The following HELLS variants were observed in gnomAD, a reference collection of about 807,000 sequenced individuals.
HELLS encodes the protein helicase, lymphoid specific.
HELLS carries 32 observed loss-of-function variants against 120.0 expected under a neutral mutation model. The observed-to-expected ratio is 0.27, with a 90% CI of 0.20 to 0.36. HELLS has a LOEUF of 0.36. Among genes scored for constraint, HELLS ranks in the 10% least tolerant of loss-of-function variants. The pLI is 1.00. For missense variants in HELLS, 650 were observed against 993.4 expected, an observed-to-expected ratio of 0.65 and a Z score of 4.65; for synonymous variants, 341 against 323.4, an observed-to-expected ratio of 1.05 and a Z score of -0.58.
intron 6 of HELLS, 73 bp downstream of exon 6, chr10:94,562,949 T>A: frequency 1.2e-6 from 1 of 841,940 alleles, no homozygotes; most frequent in Non-Finnish European, 1.9e-6. Flanking sequence ...ACCTTAAATC[T>A]GTAAAGATTG....
At chr10:94,577,048 C>A in intron 10 of HELLS, 3 of 586,636 alleles carry the variant, frequency 5.1e-6, no homozygotes, top group Non-Finnish European at 6.2e-6. Flanking sequence ...TTAGAATCAT[C>A]CAGAAATAGA....
Position 94,601,588 on chromosome 10 carries a change from A to G in HELLS, c.2483A>G (p.Asn828Ser). 1.9e-6 allele frequency: 3 copies of G among 1,584,998 alleles called. No individual in the cohort carries two copies. The South Asian group carries it at 3.4e-5, about 18-fold the overall frequency. ...EKMGIFKILE[N>S]SEDSSPECLF ...ATGGGGATATTCAAGATATTAGAAA[A>G]TTCTGAAGATTCCAGTCCTGAATGT... The change falls in exon 22 of 22, where the codon AAT becomes AGT. Residue 828 changes from asparagine to serine, a missense_variant. Transcript: ENST00000348459.
At chr10:94,596,603 T>A (rs1354982337) in intron 19 of HELLS, among the ~76,000 whole-genome samples, 3 of 152,230 alleles carry the variant, frequency 2.0e-5, no homozygotes, top group Admixed American at 6.5e-5. Flanking sequence ...CAAGTCTTTG[T>A]GGACATAATG....
intron 7 of HELLS, among the ~76,000 whole-genome samples, chr10:94,573,453 A>ATATTTTATTTTATTT (rs72368124): frequency 2.7e-5 from 4 of 149,778 alleles, no homozygotes; most frequent in African/African-American, 7.3e-5. Context: ...TCAGATTTTT[A>ATATTTTATTTTATTT]TATTTTATTT....
At chr10:94,586,331 C>A (rs928287665) in intron 12 of HELLS, among the ~76,000 whole-genome samples, 2 of 152,080 alleles carry the variant, frequency 1.3e-5, no homozygotes, top group East Asian at 3.9e-4. Context: ...CTGTGTTAGC[C>A]GGGATGGTCT....
Position 94,593,551 on chromosome 10 carries a change from G to A in HELLS, c.2024G>A (p.Arg675Gln). The change falls in exon 18 of 22, where the codon CGA becomes CAA. Residue 675 changes from arginine (R) to glutamine (Q), a missense_variant. Coordinates refer to ENST00000348459, the MANE Select transcript of HELLS (RefSeq NM_018063.5). ...PEVFIFLVST[R>Q]AGGLGINLTA... is the part of the protein sequence containing the mutation. ...GTGTTTATCTTCTTAGTGAGTACACGAGCTGGTGGCCTGGGCATTAATCTG... is the reference window on the plus strand; with the variant it reads ...GTGTTTATCTTCTTAGTGAGTACACAAGCTGGTGGCCTGGGCATTAATCTG... 6.2e-7 allele frequency: 1 copy of A among 1,613,874 alleles called. No homozygotes were observed. The highest frequency in any genetic ancestry group is 8.5e-7 in the Non-Finnish European group (1 of 1,179,806).
chr10:94,567,941 C>T (rs1363833036), intron 6 of HELLS, among the ~76,000 whole-genome samples: 4 of 141,688 alleles, frequency 2.8e-5, no homozygotes, highest in East Asian at 2.0e-4. Flanking sequence ...GAGAGAGTCT[C>T]GCTCTGTCGC....
At chr10:94,564,105 C>T (rs983087552) in intron 6 of HELLS, among the ~76,000 whole-genome samples, 10 of 152,142 alleles carry the variant, frequency 6.6e-5, no homozygotes, top group African/African-American at 1.9e-4. Context: ...CCACTGCACC[C>T]GGCCTTTGCT....
At chr10:94,591,234 T>C (rs183844565) in intron 15 of HELLS, among the ~76,000 whole-genome samples, 6 of 152,356 alleles carry the variant, frequency 3.9e-5, no homozygotes, top group Admixed American at 3.9e-4. Flanking sequence ...TGTTATATTT[T>C]AGAGAGAGTG....
intron 6 of HELLS, chr10:94,570,850 T>G (rs1260795538): frequency 6.6e-6 from 1 of 152,202 alleles, no homozygotes; most frequent in Non-Finnish European, 1.5e-5. Context: ...TTTGGCAAAC[T>G]TTTTCTGTAA....
intron 3 of HELLS, 85 bp from the exon 4 acceptor site, chr10:94,558,054 A>G: frequency 1.4e-6 from 2 of 1,473,210 alleles, no homozygotes; most frequent in South Asian, 1.4e-5. Context: ...CTCATTGTAA[A>G]CATAAGTTAT....
chr10:94,581,284 A>G, intron 10 of HELLS, 42 bp from the exon 11 acceptor site: 1 of 1,233,344 alleles, frequency 8.1e-7, no homozygotes, highest in Non-Finnish European at 1.1e-6. Context: ...AAAAATTGTG[A>G]GATCATTGTT....
intron 6 of HELLS, among the ~76,000 whole-genome samples, chr10:94,567,027 C>G (rs1843834478): frequency 6.6e-6 from 1 of 152,172 alleles, no homozygotes; most frequent in African/African-American, 2.4e-5. Context: ...GCTCTCTTTT[C>G]CTCTTCGCCT....
intron 19 of HELLS, among the ~76,000 whole-genome samples, chr10:94,595,407 A>T (rs1004878249): frequency 2.6e-5 from 4 of 152,128 alleles, no homozygotes; most frequent in African/African-American, 7.3e-5. Context: ...CATGTTCCTG[A>T]TAAGAGATTG....
In HELLS at chr10:94,547,286, A is replaced by G. The variant is rs72814689; in HGVS notation, c.153+788A>G. Among the ~76,000 whole-genome samples the G allele has an allele frequency of 7.2e-3, 1,102 of 152,252 alleles. 4 individuals are homozygous for G. Among genetic ancestry groups the G allele is most frequent in the South Asian group, 0.027 (129 of 4,822 alleles). ...TATTAAACTCTACCGATATTATGAT[A>G]TAGGTTATTTTTTGTTATTTTCATT... On this transcript the variant is annotated intron_variant, in intron 2 of 21. Coordinates refer to ENST00000348459, the MANE Select transcript of HELLS (RefSeq NM_018063.5).
At chr10:94,579,201 CTTTTTT>C (rs11431624) in intron 10 of HELLS, among the ~76,000 whole-genome samples, 3 of 133,866 alleles carry the variant, frequency 2.2e-5, no homozygotes, top group African/African-American at 5.7e-5. Flanking sequence ...CTACTTTTTT[CTTTTTT>C]TTTTTTTTTT....
chr10:94,576,631 G>T, intron 9 of HELLS, 31 bp from the exon 10 acceptor site: 1 of 1,304,758 alleles, frequency 7.7e-7, no homozygotes, highest in Non-Finnish European at 1.1e-6. Flanking sequence ...TTGTTCTTAA[G>T]TCTGATAAAA....
intron 10 of HELLS, among the ~76,000 whole-genome samples, chr10:94,578,091 A>G (rs1040648440): frequency 6.7e-6 from 1 of 148,654 alleles, no homozygotes; most frequent in South Asian, 2.1e-4. Context: ...AAAAAAAAAA[A>G]AAAAAATACA....
intron 8 of HELLS, among the ~76,000 whole-genome samples, chr10:94,607,620 G>C (rs925891807): frequency 6.6e-6 from 1 of 152,178 alleles, no homozygotes; most frequent in Admixed American, 6.5e-5. Context: ...GTATGGTAAA[G>C]GTGGTACTTG....
Sources: gnomAD v4.1 joint callset for allele counts (sites outside exome capture counted in the v4.1 genomes callset) on GRCh38, gnomAD v4.1.1 for gene constraint, MANE v1.5 for transcripts, NCBI Gene and HGNC (gene_info 2026-07-23, HGNC 2026-07-21) for gene names.